D2HGDH: variants seen among roughly 807,000 people sequenced by gnomAD.
D2HGDH encodes D-2-hydroxyglutarate dehydrogenase.
A neutral mutation model predicts 46.9 loss-of-function variants in D2HGDH; 31 were observed. The observed-to-expected ratio is 0.66, with a 90% CI of 0.50 to 0.89. D2HGDH has a LOEUF of 0.89. Among genes scored for constraint, D2HGDH ranks in the 40% least tolerant of loss-of-function variants. The pLI, the probability that D2HGDH is intolerant of heterozygous loss-of-function variation, is 0.00. For missense variants in D2HGDH, 698 were observed against 720.8 expected (o/e 0.97, Z 0.36); for synonymous variants, 364 against 332.6 (o/e 1.09, Z -1.03).
Position 241,742,341 on chromosome 2 carries a change from T to C in D2HGDH, c.351-94T>C. On this transcript the variant is annotated intron_variant, in intron 3 of 9. Coordinates refer to ENST00000321264, the MANE Select transcript of D2HGDH (RefSeq NM_152783.5). This position sits in a 1 kb window ranked among gnomAD's most constrained non-coding sequence, Gnocchi z 4.8. ...TGCAGGCAGGGCAGGGTAATCAGGA[T>C]TTGGAGTCAGGCACTGGTCCTGCGG... 1 of 1,476,624 alleles carries C rather than the reference T, an allele frequency of 6.8e-7. No homozygotes were observed. Among genetic ancestry groups the C allele is most frequent in the Non-Finnish European group, 9.1e-7 (1 of 1,095,236 alleles). 91.5% of individuals were successfully genotyped at this position (1,476,624 alleles called of 1,614,324 possible). A position where few individuals can be genotyped will look rare whatever the true frequency, so the allele number is the denominator to read the frequency against.
Position 241,735,269 on chromosome 2 carries a change from G to C in D2HGDH, c.45G>C (p.Arg15=), listed in dbSNP as rs1296500555. 1.1e-5 allele frequency: 16 copies of C among 1,520,432 alleles called. No individual in the cohort carries two copies. Among genetic ancestry groups the C allele is most frequent in the Admixed American group, 2.0e-5 (1 of 49,140 alleles). 94.2% of individuals were successfully genotyped at this position (1,520,432 alleles called of 1,614,324 possible). ...TGGCGTGGCCCGCGTGGCTGTTGCG[G>C]GGTGCTCCGGGAGCCGCGGGTTCTT... is the stretch of plus-strand genomic sequence containing the variant. ...RPLAWPAWLL[R]GAPGAAGSWG... Residue 15 remains arginine, a synonymous_variant, in exon 2 of 10, where the codon CGG becomes CGC. Transcript: ENST00000321264.
At chr2:241,735,729 GTTTTT>G (rs780848896) in intron 2 of D2HGDH, among the ~76,000 whole-genome samples, 3 of 152,104 alleles carry the variant, frequency 2.0e-5, no homozygotes, top group Non-Finnish European at 4.4e-5. Flanking sequence ...TTGTTGTTTT[GTTTTT>G]TCTTTTTTTT....
chr2:241,756,087 G>C (rs887210891), intron 9 of D2HGDH, 73 bp downstream of exon 9: 13 of 1,508,068 alleles, frequency 8.6e-6, no homozygotes, highest in Non-Finnish European at 1.1e-5. Flanking sequence ...CACCCTGCCA[G>C]GCTTCGAGGC....
At chr2:241,762,069 C>CTTTT (rs564362722) in intron 9 of D2HGDH, among the ~76,000 whole-genome samples, 2 of 108,164 alleles carry the variant, frequency 1.8e-5, no homozygotes, top group Admixed American at 1.1e-4. Context: ...TTTTCTTTTC[C>CTTTT]TTTTTTTTTT....
intron 8 of D2HGDH, among the ~76,000 whole-genome samples, chr2:241,753,355 C>T (rs1400786827): frequency 1.3e-5 from 2 of 150,138 alleles, no homozygotes; most frequent in South Asian, 2.1e-4. Context: ...TGCTGTTGTC[C>T]GGTGTTGGCG....
Position 241,740,258 on chromosome 2 carries a change from C to T in D2HGDH, c.293-775C>T, listed in dbSNP as rs150387656. 3.3e-3 allele frequency among the ~76,000 whole-genome samples: 483 copies of T among 148,586 alleles called. 4 individuals are homozygous for T. Among genetic ancestry groups the T allele is most frequent in the Admixed American group, 6.7e-3 (100 of 15,006 alleles). Reference sequence around the variant, plus strand: ...TAATCAAAGATGTTAATGGGTGAAGCTTGAGGAGCAACAGGATGTCCACAT... The same window carrying T: ...TAATCAAAGATGTTAATGGGTGAAGTTTGAGGAGCAACAGGATGTCCACAT... On this transcript the variant is annotated intron_variant, in intron 2 of 9. Coordinates refer to ENST00000321264, the MANE Select transcript of D2HGDH (RefSeq NM_152783.5).
In D2HGDH at chr2:241,743,788, G is replaced by T. The variant is rs1357448032; in HGVS notation, c.657G>T (p.Leu219=). The T allele has an allele frequency of 1.2e-6, 2 of 1,606,718 alleles. No individual in the cohort carries two copies. The highest frequency in any genetic ancestry group is 1.7e-6 in the Non-Finnish European group (2 of 1,177,058). The change falls in exon 5 of 10, where the codon CTG becomes CTT. Residue 219 remains leucine (L), a synonymous_variant. Coordinates refer to ENST00000321264, the MANE Select transcript of D2HGDH (RefSeq NM_152783.5). This position sits in a 1 kb window ranked among gnomAD's most constrained non-coding sequence, Gnocchi z 4.8. The part of the protein sequence containing the change: ...GGLRFLRYGS[L]HGTVLGLEVV... ...TGCGGTTTCTTCGATATGGCTCACT[G>T]CATGGGACTGTCCTGGGCCTGGAAG...
rs1694685968 is a variant in D2HGDH at position 241,742,302 on chromosome 2, G to T, written c.351-133G>T. ...CCTCACATGCGTGGGCTGGGGAGGA[G>T]CCCCCGCTGAGGCTGCAGGCAGGGC... On this transcript the variant is annotated intron_variant, in intron 3 of 9. Coordinates refer to ENST00000321264, the MANE Select transcript of D2HGDH (RefSeq NM_152783.5). The surrounding 1 kb of genome is among the most constrained non-coding windows in gnomAD (Gnocchi z 4.8). The T allele has an allele frequency of 1.6e-6, 2 of 1,226,628 alleles. No individual in the cohort carries two copies. Among genetic ancestry groups the T allele is most frequent in the African/African-American group, 1.5e-5 (1 of 65,926 alleles). 76.0% of individuals were successfully genotyped at this position (1,226,628 alleles called of 1,614,324 possible).
rs771273753 is a variant in D2HGDH at position 241,767,782 on chromosome 2, A to C, written c.1379A>C (p.His460Pro). Residue 460 changes from histidine (H) to proline (P), a missense_variant, in exon 10 of 10, where the codon CAC (histidine) becomes CCC (proline). By Grantham distance (77) the His-to-Pro change is moderately conservative (BLOSUM62 -2). Transcript: ENST00000321264. ...TCGCTCCTGGCTGCCCTGGAGCCCC[A>C]CGTGTACGAGTGGACGGCCGGGCAG... The part of the protein sequence containing the change: ...SPSLLAALEP[H>P]VYEWTAGQQG... 1 of 1,612,370 alleles carries C rather than the reference A, an allele frequency of 6.2e-7. No individual in the cohort carries two copies. The highest frequency in any genetic ancestry group is 1.1e-5 in the South Asian group (1 of 91,058).
intron 2 of D2HGDH, 89 bp downstream of exon 2, chr2:241,735,605 C>G: frequency 6.4e-7 from 1 of 1,550,578 alleles, no homozygotes; most frequent in Non-Finnish European, 8.7e-7. Flanking sequence ...TGAGAACAAC[C>G]TGGATGGGGG....
intron 2 of D2HGDH, 35 bp from the exon 3 acceptor site, chr2:241,740,998 C>A (rs754751582): frequency 1.9e-6 from 3 of 1,594,850 alleles, no homozygotes; most frequent in South Asian, 2.2e-5. Flanking sequence ...GCAGCTCCCC[C>A]CACGCTGTCT....
intron 2 of D2HGDH, among the ~76,000 whole-genome samples, chr2:241,737,115 C>T (rs1335482274): frequency 6.6e-6 from 1 of 152,164 alleles, no homozygotes; most frequent in Non-Finnish European, 1.5e-5. Flanking sequence ...ACTACAGGCG[C>T]CCGCCACCAC....
At chr2:241,749,254 G>A in intron 6 of D2HGDH, 3 of 1,235,440 alleles carry the variant, frequency 2.4e-6, no homozygotes, top group Non-Finnish European at 3.2e-6. Context: ...CCGACATGGT[G>A]CTCGGGTCAC....
intron 8 of D2HGDH, 82 bp downstream of exon 8, chr2:241,751,470 G>A: frequency 6.3e-7 from 1 of 1,575,772 alleles, no homozygotes; most frequent in African/African-American, 1.3e-5. Context: ...ACGGTCATTG[G>A]TGCAGCCTAG....
At position 241,743,118 on chromosome 2, in the gene D2HGDH, A is replaced by G. The variant is rs6756399; in HGVS notation, c.491-504A>G. On this transcript the variant is annotated intron_variant, in intron 4 of 9. Coordinates refer to ENST00000321264, the MANE Select transcript of D2HGDH (RefSeq NM_152783.5). This position sits in a 1 kb window ranked among gnomAD's most constrained non-coding sequence, Gnocchi z 4.8. Reference sequence around the variant, plus strand: ...CCCAGGGTGCCAGGGCGTGGCAGGCATGAGGGGATCCTGACCCAGGGCGCC... The same window carrying G: ...CCCAGGGTGCCAGGGCGTGGCAGGCGTGAGGGGATCCTGACCCAGGGCGCC... 0.13 allele frequency among the ~76,000 whole-genome samples: 5,469 copies of G among 41,998 alleles called. 570 individuals are homozygous for G. Among genetic ancestry groups the G allele is most frequent in the African/African-American group, 0.39 (2,527 of 6,518 alleles). The allele number at this position is 41,998 out of a possible 152,430, so 27.6% of individuals were successfully genotyped here.
chr2:241,735,606 T>G (rs2125000877), intron 2 of D2HGDH, 90 bp downstream of exon 2: 5 of 1,540,546 alleles, frequency 3.2e-6, no homozygotes, highest in Non-Finnish European at 2.6e-6. Context: ...GAGAACAACC[T>G]GGATGGGGGT....
chr2:241,764,195 C>CT (rs1239156163), intron 9 of D2HGDH, among the ~76,000 whole-genome samples: 1 of 143,598 alleles, frequency 7.0e-6, no homozygotes, highest in African/African-American at 2.6e-5. Context: ...GGGGCGGGGA[C>CT]TGGGGGGCGA....
chr2:241,742,705 A>G lies in D2HGDH; in HGVS notation c.490+131A>G. ...TAGGGCCGGCGCTGGGGAAAGAACC[A>G]GCGTCTGTAGCCTGGCCGCCTAGCC... On this transcript the variant is annotated intron_variant, in intron 4 of 9. Transcript: ENST00000321264. The surrounding 1 kb of genome is among the most constrained non-coding windows in gnomAD (Gnocchi z 4.8). 8.2e-7 allele frequency: 1 copy of G among 1,216,142 alleles called. No individual in the cohort carries two copies. The highest frequency in any genetic ancestry group is 2.2e-4 in the Middle Eastern group (1 of 4,510). The allele number at this position is 1,216,142 out of a possible 1,614,324, so 75.3% of individuals were successfully genotyped here.
chr2:241,742,726 T>A lies in D2HGDH; in HGVS notation c.490+152T>A. On this transcript the variant is annotated intron_variant, in intron 4 of 9. Transcript: ENST00000321264. The surrounding 1 kb of genome is among the most constrained non-coding windows in gnomAD (Gnocchi z 4.8). The stretch of plus-strand genomic sequence containing the variant: ...AACCAGCGTCTGTAGCCTGGCCGCC[T>A]AGCCCCACCTCGCCCGGCCCCTCCA... The A allele has an allele frequency of 1.0e-6, 1 of 986,000 alleles. No homozygotes were observed. Among genetic ancestry groups the A allele is most frequent in the Non-Finnish European group, 1.6e-6 (1 of 640,224 alleles). 61.1% of individuals were successfully genotyped at this position (986,000 alleles called of 1,614,324 possible). A position where few individuals can be genotyped will look rare whatever the true frequency, so the allele number is the denominator to read the frequency against.
Sources: allele counts gnomAD v4.1 joint callset (sites outside exome capture counted in the v4.1 genomes callset), GRCh38; gene constraint gnomAD v4.1.1; non-coding constraint Gnocchi (gnomAD v3.1); transcripts MANE v1.5; gene names NCBI Gene and HGNC (gene_info 2026-07-23, HGNC 2026-07-21).